Variants in EPB41L3 observed in about 807,000 individuals in gnomAD.
EPB41L3 encodes the protein erythrocyte membrane protein band 4.1 like 3.
In EPB41L3, 57 loss-of-function variants were observed where a neutral mutation model predicts 127.1. The ratio of observed to expected loss-of-function variants is 0.45; its 90% CI spans 0.36 to 0.56. The LOEUF is 0.56. Ranked by LOEUF, EPB41L3 falls within the 20% of genes least tolerant of loss-of-function variation. The pLI, the probability that EPB41L3 is intolerant of heterozygous loss-of-function variation, is 0.00. For synonymous variants in EPB41L3, 572 were observed against 549.5 expected (o/e 1.04, Z -0.57); for missense variants, 1,273 against 1,372.2 (o/e 0.93, Z 1.14).
upstream of EPB41L3, among the ~76,000 whole-genome samples, chr18:5,547,463 A>C (rs2093899440): frequency 6.6e-6 from 1 of 152,206 alleles, no homozygotes; most frequent in African/African-American, 2.4e-5. Flanking sequence ...GAAACAATCC[A>C]TGGAAAGTCA....
chr18:5,597,675 T>C (rs944684119), intron 3 of EPB41L3, among the ~76,000 whole-genome samples: 12 of 152,204 alleles, frequency 7.9e-5, no homozygotes, highest in Non-Finnish European at 1.6e-4. Flanking sequence ...TTTAGGAAGA[T>C]TTTGCAAATC....
intron 1 of EPB41L3, among the ~76,000 whole-genome samples, chr18:5,492,286 C>CTAACTAAAGACTAT (rs1216582461): frequency 7.8e-5 from 10 of 128,816 alleles, no homozygotes; most frequent in African/African-American, 2.7e-4. Flanking sequence ...CACCACTGCA[C>CTAACTAAAGACTAT]TCCAGCCTGG....
intron 16 of EPB41L3, 86 bp downstream of exon 16, chr18:5,406,691 A>G (rs1214355403): frequency 8.1e-7 from 1 of 1,233,716 alleles, no homozygotes; most frequent in African/African-American, 1.5e-5. Context: ...TTCTACCCAG[A>G]AGACTGTCAA....
In EPB41L3 at chr18:5,496,854, C is replaced by T. The variant is rs995191595; in HGVS notation, c.-11-7660G>A. Among the ~76,000 whole-genome samples, 6 of 146,486 alleles carry T rather than the reference C, an allele frequency of 4.1e-5. No homozygotes were observed. In the South Asian group the frequency reaches 1.0e-3, roughly 25 times the overall value. On this transcript the variant is annotated intron_variant, in intron 1 of 22. Transcript: ENST00000341928. ...ACAGCTGTTTTGAGGCCTAGGGATA[C>T]ATCAGATAAAGATGAACAAGGTCTC...
At chr18:5,524,972 G>A (rs2093164609) in intron 1 of EPB41L3, among the ~76,000 whole-genome samples, 1 of 152,174 alleles carries the variant, frequency 6.6e-6, no homozygotes, top group African/African-American at 2.4e-5. Flanking sequence ...CACAATAAAA[G>A]CTCCCACTGT....
intron 3 of EPB41L3, among the ~76,000 whole-genome samples, chr18:5,473,090 G>A (rs1406310372): frequency 2.0e-5 from 3 of 152,110 alleles, no homozygotes; most frequent in African/African-American, 7.2e-5. Context: ...CTAGGGGCCA[G>A]ATTTTTATGT....
chr18:5,562,078 TG>T (rs779750908), intron 3 of EPB41L3, among the ~76,000 whole-genome samples: 42 of 152,160 alleles, frequency 2.8e-4, no homozygotes, highest in Admixed American at 4.6e-4. Flanking sequence ...AATCCCAGAT[TG>T]GGTCCTGGAA....
At chr18:5,492,693 C>T (rs1427280612) in intron 1 of EPB41L3, among the ~76,000 whole-genome samples, 1 of 152,206 alleles carries the variant, frequency 6.6e-6, no homozygotes, top group African/African-American at 2.4e-5. Context: ...TTAGTTTTGA[C>T]TGAAACTGTC....
At chr18:5,614,197 G>A (rs1431643126) in intron 2 of EPB41L3, among the ~76,000 whole-genome samples, 3 of 152,160 alleles carry the variant, frequency 2.0e-5, no homozygotes, top group South Asian at 4.1e-4. Flanking sequence ...CCCTTTCTCT[G>A]TATGCAATAG....
chr18:5,566,996 G>A (rs905488337), intron 3 of EPB41L3: 3 of 152,098 alleles, frequency 2.0e-5, no homozygotes, highest in Non-Finnish European at 4.4e-5. Context: ...AGTAGACACA[G>A]GGTTTCGCCA....
At chr18:5,595,829 T>C (rs75446437) in intron 3 of EPB41L3, among the ~76,000 whole-genome samples, 1,858 of 152,250 alleles carry the variant, frequency 0.012, 28 homozygotes, top group African/African-American at 0.042. Context: ...AGCAGGTCCA[T>C]GGGGATCATG....
At chr18:5,460,593 T>C (rs962767682) in intron 3 of EPB41L3, among the ~76,000 whole-genome samples, 4 of 152,220 alleles carry the variant, frequency 2.6e-5, no homozygotes, top group East Asian at 1.9e-4. Context: ...TTAATGGTTA[T>C]TAAAGGTTTG....
intron 1 of EPB41L3, among the ~76,000 whole-genome samples, chr18:5,541,084 C>CAA (rs147766745): frequency 0.58 from 44,095 of 75,934 alleles, 13,737 homozygotes; most frequent in Non-Finnish European, 0.69. Context: ...GACTCCGTCT[C>CAA]AAAAAAAAAA....
At chr18:5,430,456 A>C (rs2145644444) in intron 8 of EPB41L3, among the ~76,000 whole-genome samples, 1 of 152,236 alleles carries the variant, frequency 6.6e-6, no homozygotes, top group South Asian at 2.1e-4. Context: ...TTTAAATTGG[A>C]TGCAAGTCTC....
At chr18:5,499,594 T>G (rs2091533788) in intron 1 of EPB41L3, among the ~76,000 whole-genome samples, 1 of 151,532 alleles carries the variant, frequency 6.6e-6, no homozygotes, top group South Asian at 2.1e-4. Flanking sequence ...AAACCGTATC[T>G]CTACCAAAAA....
chr18:5,430,452 T>C (rs2078835034), intron 8 of EPB41L3, among the ~76,000 whole-genome samples: 1 of 152,284 alleles, frequency 6.6e-6, no homozygotes, highest in East Asian at 1.9e-4. Context: ...CAGTTTTAAA[T>C]TGGATGCAAG....
At chr18:5,563,198 G>A (rs922029013) in intron 3 of EPB41L3, among the ~76,000 whole-genome samples, 2 of 152,130 alleles carry the variant, frequency 1.3e-5, no homozygotes, top group African/African-American at 4.8e-5. Context: ...AAGAGAGGAC[G>A]GGAACATTTT....
At chr18:5,595,826 C>T (rs1477390291) in intron 3 of EPB41L3, among the ~76,000 whole-genome samples, 11 of 152,078 alleles carry the variant, frequency 7.2e-5, no homozygotes, top group Admixed American at 7.2e-4. Flanking sequence ...TTAAGCAGGT[C>T]CATGGGGATC....
At chr18:5,555,724 C>G (rs2094024581) in intron 3 of EPB41L3, among the ~76,000 whole-genome samples, 1 of 152,136 alleles carries the variant, frequency 6.6e-6, no homozygotes, top group Non-Finnish European at 1.5e-5. Context: ...GTTTCTAATC[C>G]AGCTTCCCGG....
Sources: allele counts gnomAD v4.1 joint callset (sites outside exome capture counted in the v4.1 genomes callset), GRCh38; gene constraint gnomAD v4.1.1; transcripts MANE v1.5; gene names NCBI Gene and HGNC (gene_info 2026-07-23, HGNC 2026-07-21).